NIBAN2: variants seen among roughly 807,000 people sequenced by gnomAD.
NIBAN2 encodes niban apoptosis regulator 2.
NIBAN2 carries 36 observed loss-of-function variants against 81.8 expected under a neutral mutation model. That is an observed-to-expected ratio of 0.44 (90% CI 0.34 to 0.58). The LOEUF is 0.58. Among genes scored for constraint, NIBAN2 ranks in the 20% least tolerant of loss-of-function variants. The probability of loss-of-function intolerance (pLI) is 0.02; values close to 1 mark genes in which losing one functional copy is unlikely to be tolerated. For synonymous variants in NIBAN2, 445 were observed against 441.6 expected, an observed-to-expected ratio of 1.01 and a Z score of -0.10; for missense variants, 897 against 1,014.1, an observed-to-expected ratio of 0.88 and a Z score of 1.57.
intron 8 of NIBAN2, among the ~76,000 whole-genome samples, chr9:127,510,749 T>G (rs759243611): frequency 1.3e-5 from 2 of 152,100 alleles, no homozygotes; most frequent in Admixed American, 1.3e-4. Context: ...ATTATTTTAT[T>G]TGAGACAGGG....
upstream of NIBAN2, among the ~76,000 whole-genome samples, chr9:127,573,883 C>T (rs776024357): frequency 1.3e-5 from 2 of 152,130 alleles, no homozygotes; most frequent in African/African-American, 2.4e-5. Flanking sequence ...GTCTGGAACT[C>T]CTGACCACAA....
At chr9:127,555,258 A>T (rs1837646105) in intron 1 of NIBAN2, among the ~76,000 whole-genome samples, 1 of 151,966 alleles carries the variant, frequency 6.6e-6, no homozygotes, top group African/African-American at 2.4e-5. Flanking sequence ...GCTTTGGGCC[A>T]CCTTTCTGCT....
At chr9:127,554,200 C>CAAGT (rs904317974) in intron 1 of NIBAN2, among the ~76,000 whole-genome samples, 1 of 152,230 alleles carries the variant, frequency 6.6e-6, no homozygotes, top group African/African-American at 2.4e-5. Flanking sequence ...GTCCAGCTAA[C>CAAGT]AAGTGTTCAT....
chr9:127,516,403 G>A (rs1245618125), intron 8 of NIBAN2, among the ~76,000 whole-genome samples: 1 of 152,156 alleles, frequency 6.6e-6, no homozygotes, highest in African/African-American at 2.4e-5. Context: ...AAGTTAGCCG[G>A]GCATGGTGGC....
intron 1 of NIBAN2, among the ~76,000 whole-genome samples, chr9:127,568,071 C>G (rs191013132): frequency 1.8e-4 from 27 of 152,266 alleles, no homozygotes; most frequent in Admixed American, 1.8e-3. Flanking sequence ...TCCCCAGGAG[C>G]CTTGGGGACA....
intron 2 of NIBAN2, among the ~76,000 whole-genome samples, chr9:127,529,095 G>A (rs1032795486): frequency 5.9e-5 from 9 of 152,054 alleles, no homozygotes; most frequent in African/African-American, 2.2e-4. Context: ...TGCAGGAAAT[G>A]AAACAGAACT....
At chr9:127,521,964 C>T (rs1836951644) in intron 5 of NIBAN2, among the ~76,000 whole-genome samples, 1 of 152,242 alleles carries the variant, frequency 6.6e-6, no homozygotes, top group South Asian at 2.1e-4. Flanking sequence ...GGCCCTTCCC[C>T]ACCTTGTTCT....
chr9:127,556,863 T>G (rs919620223), intron 1 of NIBAN2, among the ~76,000 whole-genome samples: 1 of 152,078 alleles, frequency 6.6e-6, no homozygotes, highest in African/African-American at 2.4e-5. Flanking sequence ...ATGGCTTAGC[T>G]CAGGAGTTTG....
intron 1 of NIBAN2, among the ~76,000 whole-genome samples, chr9:127,539,722 G>C (rs1837343353): frequency 6.6e-6 from 1 of 152,168 alleles, no homozygotes; most frequent in Non-Finnish European, 1.5e-5. Flanking sequence ...TGAGCTGCTG[G>C]TGAGTCAGCT....
chr9:127,569,677 G>A (rs1236378093), upstream of NIBAN2, among the ~76,000 whole-genome samples: 1 of 152,074 alleles, frequency 6.6e-6, no homozygotes, highest in African/African-American at 2.4e-5. Flanking sequence ...CCCTGGCCTT[G>A]ATTCGACCTG....
chr9:127,561,063 A>G (rs1837764949), intron 1 of NIBAN2: 1 of 934,982 alleles, frequency 1.1e-6, no homozygotes. Context: ...AGGAGGGAGC[A>G]TGTTCCCATC....
At chr9:127,546,935 G>A (rs1837481928) in intron 1 of NIBAN2, among the ~76,000 whole-genome samples, 1 of 147,362 alleles carries the variant, frequency 6.8e-6, no homozygotes, top group Admixed American at 6.7e-5. Context: ...CCCAGAGGGA[G>A]GTAGCAGCTG....
chr9:127,557,419 G>A (rs905829406), intron 1 of NIBAN2, among the ~76,000 whole-genome samples: 12 of 152,016 alleles, frequency 7.9e-5, no homozygotes, highest in South Asian at 2.1e-4. Context: ...AAGCAGGACC[G>A]GCCTCCCATC....
chr9:127,530,358 C>A (rs1307615606), intron 2 of NIBAN2, among the ~76,000 whole-genome samples: 1 of 152,246 alleles, frequency 6.6e-6, no homozygotes, highest in African/African-American at 2.4e-5. Context: ...CTGGGCTGGT[C>A]CAGCCTCCGC....
chr9:127,522,041 G>A (rs545738242), intron 5 of NIBAN2, among the ~76,000 whole-genome samples: 1 of 152,352 alleles, frequency 6.6e-6, no homozygotes, highest in Non-Finnish European at 1.5e-5. Flanking sequence ...CGTTAGCCTT[G>A]GAAACCTGGA....
At chr9:127,510,546 C>A (rs1391153426) in intron 8 of NIBAN2, among the ~76,000 whole-genome samples, 1 of 152,186 alleles carries the variant, frequency 6.6e-6, no homozygotes, top group Admixed American at 6.5e-5. Context: ...AAGCAATTCT[C>A]CTGCCTCAGC....
intron 1 of NIBAN2, among the ~76,000 whole-genome samples, chr9:127,541,849 C>G (rs1462150664): frequency 6.6e-6 from 1 of 152,142 alleles, no homozygotes. Flanking sequence ...TGGGACCCCC[C>G]TTCTGGGCCT....
intron 1 of NIBAN2, among the ~76,000 whole-genome samples, chr9:127,534,173 G>C (rs894811949): frequency 6.6e-6 from 1 of 152,214 alleles, no homozygotes; most frequent in African/African-American, 2.4e-5. Flanking sequence ...GCACTGAGAG[G>C]CTGCATTCGA....
chr9:127,571,029 C>T (rs777075786), upstream of NIBAN2, among the ~76,000 whole-genome samples: 6 of 152,272 alleles, frequency 3.9e-5, no homozygotes, highest in Non-Finnish European at 7.3e-5. Context: ...ATAGCCCAAA[C>T]TGCAGGGTCT....
Sources: allele counts gnomAD v4.1 joint callset (sites outside exome capture counted in the v4.1 genomes callset), GRCh38; gene constraint gnomAD v4.1.1; transcripts MANE v1.5; gene names NCBI Gene and HGNC (gene_info 2026-07-23, HGNC 2026-07-21).